TBL3: variants seen among roughly 807,000 people sequenced by gnomAD.
The protein encoded by TBL3 is transducin beta like 3, also known as transducin beta-like protein 3.
Under a neutral mutation model 102.7 loss-of-function variants are expected in TBL3, and 71 were observed. That is an observed-to-expected ratio of 0.69 (90% confidence interval 0.57 to 0.84). TBL3 has a LOEUF of 0.84. TBL3 is among the 40% of genes least tolerant of loss of function. The pLI, the probability that TBL3 is intolerant of heterozygous loss-of-function variation, is 0.00. For missense variants in TBL3, 1,188 were observed against 1,098.5 expected (o/e 1.08, Z -1.15); for synonymous variants, 578 against 477.7 (o/e 1.21, Z -2.74).
At position 1,979,436 on chromosome 16, in the gene TBL3, C is replaced by T. The variant is rs755718602; in HGVS notation, c.*751C>T. 9.9e-6 allele frequency: 16 copies of T among 1,609,714 alleles called. No homozygotes were observed. Among genetic ancestry groups the T allele is most frequent in the East Asian group, 2.2e-5 (1 of 44,818 alleles). ...CCGCTCCCGCGTACCTGCATAGCCACCAGCCGCGGTCTGACGTTTCCAACA... is the reference window on the plus strand; with the variant it reads ...CCGCTCCCGCGTACCTGCATAGCCATCAGCCGCGGTCTGACGTTTCCAACA... On this transcript the variant is annotated 3_prime_UTR_variant, in exon 22 of 22. Transcript: ENST00000568546.
In TBL3 at chr16:1,974,594, C is replaced by T; in HGVS notation, c.294C>T (p.Gly98=). ...TGGCTCAGTGGGCCTGGCAAGAGGG[C>T]AGCGTTACCCGCCTGTGGAAGGCGA... is the stretch of plus-strand genomic sequence containing the variant. ...LLLAQWAWQE[G]SVTRLWKAIH... Residue 98 remains glycine (G), a synonymous_variant, in exon 5 of 22, where the codon GGC becomes GGT. Transcript: ENST00000568546. The T allele has an allele frequency of 6.2e-7, 1 of 1,610,598 alleles. No homozygotes were observed.
rs145737122 is a variant in TBL3, at chr16:1,977,109, A to G, written c.1496A>G (p.Gln499Arg). The G allele has an allele frequency of 7.1e-5, 114 of 1,612,972 alleles. 1 individual carries two copies. The highest frequency in any genetic ancestry group is 9.5e-5 in the Non-Finnish European group (112 of 1,179,996). The change falls in exon 15 of 22, where the codon CAG becomes CGG. Residue 499 changes from glutamine to arginine, a missense_variant. Coordinates refer to ENST00000568546, the MANE Select transcript of TBL3 (RefSeq NM_006453.3). ...PNDKLLATGS[Q>R]DRTAKLWALP... is the part of the protein sequence containing the mutation. ...GACAAGCTGCTGGCCACAGGCTCACAGGACCGCACGGCCAAGCTCTGGGCC... is the reference window on the plus strand; with the variant it reads ...GACAAGCTGCTGGCCACAGGCTCACGGGACCGCACGGCCAAGCTCTGGGCC...
At position 1,980,524 on chromosome 16, in the gene TBL3, C is replaced by T. The variant is rs919378476; in HGVS notation, c.*1839C>T. Reference sequence around the variant, plus strand: ...GCCAGGCCGCGGCTCGTGCGCCCCACGCGTCCCAACAGTGGTGCATCTTAA... The same window carrying T: ...GCCAGGCCGCGGCTCGTGCGCCCCATGCGTCCCAACAGTGGTGCATCTTAA... On this transcript the variant is annotated 3_prime_UTR_variant, in exon 22 of 22. Coordinates refer to ENST00000568546, the MANE Select transcript of TBL3 (RefSeq NM_006453.3). 7.5e-6 allele frequency: 12 copies of T among 1,603,250 alleles called. No homozygotes were observed. Among genetic ancestry groups the T allele is most frequent in the Middle Eastern group, 1.7e-4 (1 of 6,048 alleles).
intron 1 of TBL3, among the ~76,000 whole-genome samples, chr16:1,973,748 G>C (rs77882016): frequency 0.097 from 14,736 of 152,146 alleles, 1,560 homozygotes; most frequent in African/African-American, 0.27. Flanking sequence ...TTCCCAAGGA[G>C]CCCCCTGGCT....
intron 16 of TBL3, 34 bp downstream of exon 16, chr16:1,977,460 G>A: frequency 1.2e-6 from 2 of 1,609,256 alleles, no homozygotes; most frequent in Non-Finnish European, 1.7e-6. Flanking sequence ...CGATGGAGTG[G>A]GGGGTGGCGG....
chr16:1,977,499 C>T lies in TBL3; in HGVS notation c.1743-15C>T, dbSNP rs144057628. Reference sequence around the variant, plus strand: ...GACCTGCCTGACGCTGAGCCTCTCCCCACCCCAAACCCAGCGGTTCGGATG... The same window carrying T: ...GACCTGCCTGACGCTGAGCCTCTCCTCACCCCAAACCCAGCGGTTCGGATG... On this transcript the variant is annotated splice_polypyrimidine_tract_variant and intron_variant, in intron 16 of 21. Coordinates refer to ENST00000568546, the MANE Select transcript of TBL3 (RefSeq NM_006453.3). The T allele has an allele frequency of 8.4e-3, 13,457 of 1,609,176 alleles. 80 individuals are homozygous for T. Among genetic ancestry groups the T allele is most frequent in the Middle Eastern group, 0.016 (99 of 6,060 alleles).
Position 1,972,173 on chromosome 16 carries a change from G to A in TBL3, c.9G>A (p.Glu3=), listed in dbSNP as rs1192691576. 2 of 1,444,598 alleles carry A rather than the reference G, an allele frequency of 1.4e-6. No individual in the cohort carries two copies. The highest frequency in any genetic ancestry group is 3.0e-5 in the East Asian group (1 of 33,654). 89.5% of individuals were successfully genotyped at this position (1,444,598 alleles called of 1,614,324 possible). MA[E]TAAGVGRFKT... The stretch of plus-strand genomic sequence containing the variant: ...GCGGCGGCGGCGGCAACATGGCAGA[G>A]ACCGCGGCCGGAGTGGGCCGCTTCA... Residue 3 remains glutamate (E), a synonymous_variant, in exon 1 of 22, where the codon GAG becomes GAA. Coordinates refer to ENST00000568546, the MANE Select transcript of TBL3 (RefSeq NM_006453.3).
At position 1,978,766 on chromosome 16, in the gene TBL3, G is replaced by A. The variant is rs2150886213; in HGVS notation, c.*81G>A. Reference sequence around the variant, plus strand: ...CTCTCCTGGCCGGCTCTGTCTCTCTGGACTGCAGTCCAGCCCCCCACCCTG... The same window carrying A: ...CTCTCCTGGCCGGCTCTGTCTCTCTAGACTGCAGTCCAGCCCCCCACCCTG... On this transcript the variant is annotated 3_prime_UTR_variant, in exon 22 of 22. Transcript: ENST00000568546. The A allele has an allele frequency of 6.5e-7, 1 of 1,528,184 alleles. No individual in the cohort carries two copies. Among genetic ancestry groups the A allele is most frequent in the East Asian group, 2.3e-5 (1 of 43,964 alleles). 94.7% of individuals were successfully genotyped at this position (1,528,184 alleles called of 1,614,324 possible).
chr16:1,974,412 C>T lies in TBL3; in HGVS notation c.226C>T (p.Pro76Ser). 2 of 1,610,254 alleles carry T rather than the reference C, an allele frequency of 1.2e-6. No individual in the cohort carries two copies. The highest frequency in any genetic ancestry group is 1.1e-5 in the South Asian group (1 of 90,658). The change falls in exon 4 of 22, where the codon CCT (proline) becomes TCT (serine). Residue 76 changes from proline (P) to serine (S), a missense_variant. Transcript: ENST00000568546. ...QEDITAFDLS[P>S]DNEVLVTASR... The stretch of plus-strand genomic sequence containing the variant: ...GGACATCACTGCCTTTGACCTCAGC[C>T]CTGACAACGAGGTATGTGGGGCGGG...
intron 1 of TBL3, 47 bp from the exon 2 acceptor site, chr16:1,974,009 G>T: frequency 6.6e-7 from 1 of 1,506,878 alleles, no homozygotes; most frequent in South Asian, 1.3e-5. Context: ...GGGCCCTGGG[G>T]ACTGAGGGGG....
At chr16:1,973,947 C>G (rs2083378332) in intron 1 of TBL3, 109 bp from the exon 2 acceptor site, 1 of 1,233,366 alleles carries the variant, frequency 8.1e-7, no homozygotes, top group Non-Finnish European at 1.1e-6. Context: ...CCCAGAAACT[C>G]AAGGGCAGGG....
Position 1,977,806 on chromosome 16 carries a change from G to C in TBL3, c.1958+6G>C. 1 of 1,556,698 alleles carries C rather than the reference G, an allele frequency of 6.4e-7. No individual in the cohort carries two copies. The highest frequency in any genetic ancestry group is 8.7e-7 in the Non-Finnish European group (1 of 1,149,872). The stretch of plus-strand genomic sequence containing the variant: ...CAAGAGGAGCAGGTGGTCAGGTAAG[G>C]CCAGGGCAGTGGCGCCCCTCCCCGC... On this transcript the variant is annotated splice_donor_region_variant and intron_variant, in intron 18 of 21. Transcript: ENST00000568546.
Position 1,974,223 on chromosome 16 carries a change from C to A in TBL3, c.120C>A (p.Phe40Leu), listed in dbSNP as rs2083380865. 10 of 1,602,318 alleles carry A rather than the reference C, an allele frequency of 6.2e-6. No homozygotes were observed. Among genetic ancestry groups the A allele is most frequent in the Non-Finnish European group, 7.7e-6 (9 of 1,173,514 alleles). The change falls in exon 3 of 22, where the codon TTC becomes TTA. Residue 40 changes from phenylalanine to leucine, a missense_variant. Coordinates refer to ENST00000568546, the MANE Select transcript of TBL3 (RefSeq NM_006453.3). ...TGGACCAGACTGGCCAGCACCTCTTCTGCGTCTGTGGCACCAGAGTCAACA... is the reference window on the plus strand; with the variant it reads ...TGGACCAGACTGGCCAGCACCTCTTATGCGTCTGTGGCACCAGAGTCAACA... ...AQLDQTGQHL[F>L]CVCGTRVNIL...
In TBL3 at chr16:1,980,008, C is replaced by T. The variant is rs771534328; in HGVS notation, c.*1323C>T. On this transcript the variant is annotated 3_prime_UTR_variant, in exon 22 of 22. Transcript: ENST00000568546. ...TTGGGGGGCCCTACCTGAGGGGTGC[C>T]GCAGCAGCACGTCCAGGCTCTCCTG... The T allele has an allele frequency of 2.5e-6, 4 of 1,603,898 alleles. No individual in the cohort carries two copies. The South Asian group carries it at 3.3e-5, about 13-fold the overall frequency.
Position 1,978,355 on chromosome 16 carries a change from G to T in TBL3, c.2177G>T (p.Arg726Leu). Residue 726 changes from arginine to leucine, a missense_variant, in exon 21 of 22, where the codon CGG (arginine) becomes CTG (leucine). Transcript: ENST00000568546. The part of the protein sequence containing the change: ...RFCVTWNTNS[R>L]HCHEAQAVLG... ...TGCGTCACGTGGAACACCAACTCGC[G>T]GCACTGCCACGAGGCCCAGGCCGTG... The T allele has an allele frequency of 6.2e-7, 1 of 1,611,418 alleles. No individual in the cohort carries two copies. The highest frequency in any genetic ancestry group is 8.5e-7 in the Non-Finnish European group (1 of 1,179,028).
rs761921453 is a variant in TBL3 at position 1,976,897 on chromosome 16, A to C, written c.1376A>C (p.Asn459Thr). ...WPLPKALLSKNTAPDNGPILL... is the reference protein window; with the variant it reads ...WPLPKALLSKTTAPDNGPILL... ...CTTCCCAAAGCCTTGCTGTCCAAGA[A>C]CACAGCCCCAGACAACGGCCCTATC... Residue 459 changes from asparagine (N) to threonine (T), a missense_variant, in exon 14 of 22, where the codon AAC becomes ACC. Coordinates refer to ENST00000568546, the MANE Select transcript of TBL3 (RefSeq NM_006453.3). 1 of 1,613,928 alleles carries C rather than the reference A, an allele frequency of 6.2e-7. No homozygotes were observed. Among genetic ancestry groups the C allele is most frequent in the Non-Finnish European group, 8.5e-7 (1 of 1,180,002 alleles).
chr16:1,979,968 C>T lies in TBL3; in HGVS notation c.*1283C>T. The T allele has an allele frequency of 1.3e-6, 2 of 1,589,536 alleles. No individual in the cohort carries two copies. The highest frequency in any genetic ancestry group is 1.7e-6 in the Non-Finnish European group (2 of 1,168,658). The stretch of plus-strand genomic sequence containing the variant: ...TCCCTCGGGTCCAGGAGCAGAGGAG[C>T]AAATCCCTGGGTTCTTGGGGGGCCC... On this transcript the variant is annotated 3_prime_UTR_variant, in exon 22 of 22. Transcript: ENST00000568546.
At position 1,977,119 on chromosome 16, in the gene TBL3, G is replaced by C. The variant is rs143113972; in HGVS notation, c.1506G>C (p.Thr502=). ...TGGCCACAGGCTCACAGGACCGCAC[G>C]GCCAAGCTCTGGGCCCTGCCACAGT... The part of the protein sequence containing the change: ...KLLATGSQDR[T]AKLWALPQCQ... Residue 502 remains threonine, a synonymous_variant, in exon 15 of 22, where the codon ACG becomes ACC. Transcript: ENST00000568546. 1.2e-6 allele frequency: 2 copies of C among 1,613,050 alleles called. No homozygotes were observed. The highest frequency in any genetic ancestry group is 8.5e-7 in the Non-Finnish European group (1 of 1,179,996).
Position 1,975,876 on chromosome 16 carries a change from GGCCTCCAATA to G in TBL3, c.1060_1069del (p.Ser354ProfsTer3). On this transcript the variant is annotated frameshift_variant, in exon 11 of 22. Transcript: ENST00000568546. LOFTEE classifies it high-confidence loss of function. ...GGCCCGAGGACTCCCACGTTGTCGT[GGCCTCCAATA>G]GCCCCTGCCTAAAAGTGTTTGAGCT... The G allele has an allele frequency of 6.2e-7, 1 of 1,614,150 alleles. No homozygotes were observed. Among genetic ancestry groups the G allele is most frequent in the Non-Finnish European group, 8.5e-7 (1 of 1,180,042 alleles).
Sources: gnomAD v4.1 joint callset for allele counts (sites outside exome capture counted in the v4.1 genomes callset) on GRCh38, gnomAD v4.1.1 for gene constraint, MANE v1.5 for transcripts, NCBI Gene and HGNC (gene_info 2026-07-23, HGNC 2026-07-21) for gene names.